Variants in CHRDL2 observed in about 807,000 individuals in gnomAD.
CHRDL2 encodes the protein chordin-like protein 2.
A neutral mutation model predicts 54.3 loss-of-function variants in CHRDL2; 41 were observed. The observed-to-expected ratio is 0.76, with a 90% confidence interval of 0.59 to 0.98. The LOEUF is 0.98. CHRDL2 is among the 50% of genes least tolerant of loss of function. The pLI, the probability that CHRDL2 is intolerant of heterozygous loss-of-function variation, is 0.00. For missense variants in CHRDL2, 518 were observed against 562.4 expected (o/e 0.92, Z 0.80); for synonymous variants, 220 against 224.3 (o/e 0.98, Z 0.17).
chr11:74,697,638 C>T (rs1186701005), intron 9 of CHRDL2: 2 of 469,610 alleles, frequency 4.3e-6, no homozygotes, highest in Non-Finnish European at 8.5e-6. Flanking sequence ...GTCGCCTCCA[C>T]AGTGAAGCCT....
At chr11:74,708,492 G>C (rs750105182) in intron 4 of CHRDL2, 97 bp from the exon 5 acceptor site, 21 of 895,380 alleles carry the variant, frequency 2.3e-5, no homozygotes, top group Non-Finnish European at 3.3e-5. Context: ...ATGGCCTTGA[G>C]GTCTCTCCTA....
At position 74,730,855 on chromosome 11, in the gene CHRDL2, G is replaced by A. The variant is rs761539641; in HGVS notation, c.34C>T (p.Leu12=). The part of the protein sequence containing the change: ...VPEVRVLSSL[L]GLALLWFPLD... ...GGGAACCAGAGCAGCGCGAGTCCCAGCAAGGAGGAGAGGACCCTCACCTCG... is the reference window on the plus strand; with the variant it reads ...GGGAACCAGAGCAGCGCGAGTCCCAACAAGGAGGAGAGGACCCTCACCTCG... The change falls in exon 1 of 11, where the codon CTG becomes TTG. Residue 12 remains leucine, a synonymous_variant. Transcript: ENST00000376332. The A allele has an allele frequency of 6.2e-7, 1 of 1,612,748 alleles. No homozygotes were observed. The highest frequency in any genetic ancestry group is 8.5e-7 in the Non-Finnish European group (1 of 1,179,606).
intron 7 of CHRDL2, among the ~76,000 whole-genome samples, chr11:74,704,147 G>A (rs1286876227): frequency 6.6e-6 from 1 of 152,176 alleles, no homozygotes; most frequent in Non-Finnish European, 1.5e-5. Context: ...CTCAAGGGCA[G>A]AGACCATTTT....
chr11:74,721,427 C>A (rs2135274868), intron 1 of CHRDL2, among the ~76,000 whole-genome samples: 1 of 152,310 alleles, frequency 6.6e-6, no homozygotes, highest in South Asian at 2.1e-4. Flanking sequence ...AATGCCCAGG[C>A]AGGAGGCCCC....
intron 6 of CHRDL2, among the ~76,000 whole-genome samples, chr11:74,705,563 G>A (rs916939499): frequency 6.6e-6 from 1 of 152,204 alleles, no homozygotes; most frequent in Non-Finnish European, 1.5e-5. Flanking sequence ...TGGAATAAAG[G>A]CAAGAGGGAA....
intron 5 of CHRDL2, among the ~76,000 whole-genome samples, 176 bp from the exon 6 acceptor site, chr11:74,706,718 A>G (rs2034023022): frequency 6.6e-6 from 1 of 152,080 alleles, no homozygotes; most frequent in Non-Finnish European, 1.5e-5. Flanking sequence ...TTCCCATTAC[A>G]GCCTCTCTTC....
In CHRDL2 at chr11:74,708,378, G is replaced by A. The variant is rs1417634184; in HGVS notation, c.450C>T (p.Cys150=). 39 of 1,583,798 alleles carry A rather than the reference G, an allele frequency of 2.5e-5. No individual in the cohort carries two copies. Among genetic ancestry groups the A allele is most frequent in the Non-Finnish European group, 2.7e-5 (31 of 1,167,660 alleles). ...CTGGTTCGGGGCAGGTTGTGAGGCC[G>A]CAGTAGATCTGGCCCTCCTGACAGA... is the stretch of plus-strand genomic sequence containing the variant. ...LCSCTEGQIY[C]GLTTCPEPGC... is the part of the protein sequence containing the mutation. The change falls in exon 5 of 11, where the codon TGC becomes TGT. Residue 150 remains cysteine (C), a synonymous_variant. Coordinates refer to ENST00000376332, the MANE Select transcript of CHRDL2 (RefSeq NM_001278473.3).
Position 74,718,763 on chromosome 11 carries a change from T to A in CHRDL2, c.152A>T (p.Glu51Val). ...CAGGCAGTACATCAGGCCTTGTGGC[T>A]CCAAGTAGGGGTGCCAGCTCTCGCC... is the stretch of plus-strand genomic sequence containing the variant. ...SPGESWHPYL[E>V]PQGLMYCLRC... The change falls in exon 2 of 11, where the codon GAG (glutamate) becomes GTG (valine). Residue 51 changes from glutamate to valine, a missense_variant. Coordinates refer to ENST00000376332, the MANE Select transcript of CHRDL2 (RefSeq NM_001278473.3). The A allele has an allele frequency of 6.2e-7, 1 of 1,613,790 alleles. No homozygotes were observed.
Position 74,718,850 on chromosome 11 carries a change from G to A in CHRDL2, c.83-18C>T, listed in dbSNP as rs759069350. The A allele has an allele frequency of 2.0e-6, 3 of 1,511,738 alleles. No homozygotes were observed. Among genetic ancestry groups the A allele is most frequent in the East Asian group, 2.3e-5 (1 of 43,338 alleles). 93.6% of individuals were successfully genotyped at this position (1,511,738 alleles called of 1,614,324 possible). ...GTCTGGGCCTGGCAAACCGACCAGTGCCATGTTAGTCCCAGGAGGCTCCAG... is the reference window on the plus strand; with the variant it reads ...GTCTGGGCCTGGCAAACCGACCAGTACCATGTTAGTCCCAGGAGGCTCCAG... On this transcript the variant is annotated intron_variant, in intron 1 of 10. Coordinates refer to ENST00000376332, the MANE Select transcript of CHRDL2 (RefSeq NM_001278473.3).
At chr11:74,697,149 G>T in intron 10 of CHRDL2, 56 bp downstream of exon 10, 2 of 1,408,620 alleles carry the variant, frequency 1.4e-6, no homozygotes. Context: ...AAAGGCTCTG[G>T]CCCGTGTCCT....
rs536995791 is a variant in CHRDL2 at position 74,730,742 on chromosome 11, C to A, written c.82+65G>T. 2.1e-5 allele frequency: 31 copies of A among 1,448,702 alleles called. No individual in the cohort carries two copies. In the South Asian group the frequency reaches 3.5e-4, roughly 16 times the overall value. 89.7% of individuals were successfully genotyped at this position (1,448,702 alleles called of 1,614,324 possible). A position where few individuals can be genotyped will look rare whatever the true frequency, so the allele number is the denominator to read the frequency against. On this transcript the variant is annotated intron_variant, in intron 1 of 10. Transcript: ENST00000376332. ...GAAGAGCTTGGGGTCCAGGTCCTGG[C>A]GCTGTCCCTCACATTCCAGGGGCCG...
In CHRDL2 at chr11:74,718,700, A is replaced by G; in HGVS notation, c.195+20T>C. 1 of 1,536,492 alleles carries G rather than the reference A, an allele frequency of 6.5e-7. No homozygotes were observed. Among genetic ancestry groups the G allele is most frequent in the East Asian group, 2.3e-5 (1 of 44,270 alleles). ...TCAGACATCCCTGACACAGGTGGTC[A>G]GGTGGCCAGAGGAACCTACCTCTGA... On this transcript the variant is annotated intron_variant, in intron 2 of 10. Coordinates refer to ENST00000376332, the MANE Select transcript of CHRDL2 (RefSeq NM_001278473.3).
intron 9 of CHRDL2, 44 bp downstream of exon 9, chr11:74,702,750 G>A (rs565611163): frequency 3.7e-6 from 6 of 1,603,660 alleles, no homozygotes; most frequent in South Asian, 2.2e-5. Context: ...CGGGAAGGGG[G>A]ACTGGCCAGA....
chr11:74,702,746 G>C, intron 9 of CHRDL2, 48 bp downstream of exon 9: 1 of 1,603,294 alleles, frequency 6.2e-7, no homozygotes, highest in Non-Finnish European at 8.5e-7. Context: ...GGCACGGGAA[G>C]GGGGACTGGC....
intron 6 of CHRDL2, among the ~76,000 whole-genome samples, chr11:74,706,192 G>C (rs905469384): frequency 6.6e-6 from 1 of 152,188 alleles, no homozygotes; most frequent in Admixed American, 6.5e-5. Flanking sequence ...ACAGGCTGTA[G>C]ATGGAACAGT....
At chr11:74,720,537 C>T (rs187355658) in intron 1 of CHRDL2, among the ~76,000 whole-genome samples, 23 of 152,302 alleles carry the variant, frequency 1.5e-4, no homozygotes, top group African/African-American at 2.9e-4. Flanking sequence ...CCACCATCCC[C>T]GACTCCCTAG....
intron 7 of CHRDL2, among the ~76,000 whole-genome samples, chr11:74,703,851 T>C (rs1304939931): frequency 6.6e-6 from 1 of 152,164 alleles, no homozygotes; most frequent in Non-Finnish European, 1.5e-5. Flanking sequence ...GCAGGTCCCT[T>C]TCCCCCCTCT....
chr11:74,702,025 C>T (rs746748352), intron 9 of CHRDL2, among the ~76,000 whole-genome samples: 12 of 152,088 alleles, frequency 7.9e-5, no homozygotes, highest in East Asian at 5.8e-4. Flanking sequence ...AGGCTGATGC[C>T]GGAGGATTGC....
rs562578888 is a variant in CHRDL2 at position 74,727,994 on chromosome 11, C to T, written c.82+2813G>A. Reference sequence around the variant, plus strand: ...CTGGTCAGTAACCAGGTCAGGGACCCAGCCTGGGTAAGGGGTCTTGTATAG... The same window carrying T: ...CTGGTCAGTAACCAGGTCAGGGACCTAGCCTGGGTAAGGGGTCTTGTATAG... On this transcript the variant is annotated intron_variant, in intron 1 of 10. Coordinates refer to ENST00000376332, the MANE Select transcript of CHRDL2 (RefSeq NM_001278473.3). Among the ~76,000 whole-genome samples the T allele has an allele frequency of 5.3e-5, 8 of 152,276 alleles. No individual in the cohort carries two copies. The South Asian group carries it at 1.7e-3, about 32-fold the overall frequency.
Sources: allele counts gnomAD v4.1 joint callset (sites outside exome capture counted in the v4.1 genomes callset), GRCh38; gene constraint gnomAD v4.1.1; transcripts MANE v1.5; gene names NCBI Gene and HGNC (gene_info 2026-07-23, HGNC 2026-07-21).